TNRC6A: variants seen among roughly 807,000 people sequenced by gnomAD.
TNRC6A encodes the protein trinucleotide repeat-containing gene 6A protein.
A neutral mutation model predicts 221.2 loss-of-function variants in TNRC6A; 44 were observed. The ratio of observed to expected loss-of-function variants is 0.20; its 90% CI spans 0.16 to 0.26. The LOEUF (loss-of-function observed/expected upper bound fraction) is 0.26, where lower values mean the gene tolerates loss of function less well. TNRC6A is among the 10% of genes least tolerant of loss of function. The probability of loss-of-function intolerance (pLI) is 1.00; values close to 1 mark genes in which losing one functional copy is unlikely to be tolerated. For synonymous variants in TNRC6A, 847 were observed against 838.5 expected (o/e 1.01, Z -0.18); for missense variants, 2,199 against 2,404.4 (o/e 0.91, Z 1.79).
intron 2 of TNRC6A, among the ~76,000 whole-genome samples, chr16:24,747,932 A>G (rs1248081197): frequency 1.3e-5 from 2 of 152,182 alleles, no homozygotes; most frequent in African/African-American, 4.8e-5. Flanking sequence ...AATTATAGTG[A>G]CATAGAAGAT....
chr16:24,657,451 T>G (rs2054939635), intron 2 of TNRC6A, among the ~76,000 whole-genome samples: 1 of 152,070 alleles, frequency 6.6e-6, no homozygotes, highest in Admixed American at 6.6e-5. Context: ...GGCTCATGCC[T>G]GTAATCCCAG....
intron 3 of TNRC6A, among the ~76,000 whole-genome samples, chr16:24,756,460 T>A (rs17832757): frequency 0.04 from 6,082 of 152,326 alleles, 174 homozygotes; most frequent in South Asian, 0.069. Context: ...TCTATACTAC[T>A]ACTTTCATTC....
At chr16:24,685,497 C>T (rs533088077) in intron 2 of TNRC6A, among the ~76,000 whole-genome samples, 114 of 152,164 alleles carry the variant, frequency 7.5e-4, no homozygotes, top group South Asian at 2.3e-3. Context: ...CCACAATGCC[C>T]GGTGAATTTT....
intron 2 of TNRC6A, among the ~76,000 whole-genome samples, chr16:24,748,580 G>T (rs2057065624): frequency 6.6e-6 from 1 of 152,054 alleles, no homozygotes. Flanking sequence ...CCTTTTAGCT[G>T]ATTTTAGTAG....
chr16:24,635,674 T>G (rs573472325), intron 1 of TNRC6A, among the ~76,000 whole-genome samples: 1 of 152,338 alleles, frequency 6.6e-6, no homozygotes, highest in East Asian at 1.9e-4. Context: ...GGAAAACAAT[T>G]ACCATTTGTG....
chr16:24,685,034 T>C (rs1301688460), intron 2 of TNRC6A, among the ~76,000 whole-genome samples: 1 of 152,130 alleles, frequency 6.6e-6, no homozygotes, highest in Non-Finnish European at 1.5e-5. Flanking sequence ...CCCTCTGGCC[T>C]TCTTGCAGTT....
chr16:24,714,302 CTT>C (rs60469088), intron 2 of TNRC6A, among the ~76,000 whole-genome samples: 2,360 of 70,934 alleles, frequency 0.033, 24 homozygotes, highest in African/African-American at 0.13. Context: ...TGCTGTTAAT[CTT>C]TTTTTTTTTT....
At chr16:24,741,652 T>G (rs2056895036) in intron 2 of TNRC6A, among the ~76,000 whole-genome samples, 2 of 152,188 alleles carry the variant, frequency 1.3e-5, no homozygotes, top group Non-Finnish European at 2.9e-5. Context: ...CCTTTAGCTG[T>G]TGGTTTTGCG....
chr16:24,716,337 T>A (rs2056312063), intron 2 of TNRC6A, among the ~76,000 whole-genome samples: 1 of 152,198 alleles, frequency 6.6e-6, no homozygotes, highest in South Asian at 2.1e-4. Context: ...AGTTACTTCA[T>A]GTTGGCTGGA....
intron 2 of TNRC6A, among the ~76,000 whole-genome samples, chr16:24,748,347 C>G (rs898701252): frequency 1.3e-5 from 2 of 152,154 alleles, no homozygotes; most frequent in African/African-American, 4.8e-5. Context: ...CTCTGCTGCT[C>G]TCATATGCTG....
intron 2 of TNRC6A, among the ~76,000 whole-genome samples, chr16:24,745,804 C>A (rs868812349): frequency 2.7e-5 from 4 of 148,730 alleles, no homozygotes; most frequent in East Asian, 2.0e-4. Flanking sequence ...ATCCCCCCCC[C>A]CCCCAGCTAA....
chr16:24,817,099 A>G, intron 20 of TNRC6A, 143 bp downstream of exon 20: 1 of 740,336 alleles, frequency 1.4e-6, no homozygotes, highest in South Asian at 3.9e-5. Context: ...AAGCCTGGGC[A>G]ACATAGTTGT....
At chr16:24,626,382 C>T (rs930787228) in intron 1 of TNRC6A, among the ~76,000 whole-genome samples, 1 of 152,060 alleles carries the variant, frequency 6.6e-6, no homozygotes, top group African/African-American at 2.4e-5. Context: ...TGAAATATTG[C>T]CAGCACCCCA....
At chr16:24,647,061 G>T (rs922715070) in intron 2 of TNRC6A, among the ~76,000 whole-genome samples, 3 of 151,910 alleles carry the variant, frequency 2.0e-5, no homozygotes, top group African/African-American at 7.3e-5. Flanking sequence ...CTCCCCAGTA[G>T]CTGGGACTAC....
At chr16:24,809,083 A>G (rs548678118) in intron 17 of TNRC6A, among the ~76,000 whole-genome samples, 5 of 152,362 alleles carry the variant, frequency 3.3e-5, no homozygotes, top group African/African-American at 1.2e-4. Context: ...CACTTGGGAA[A>G]TAGCTAAACA....
At chr16:24,700,446 GCTGGTCTTACGAA>G (rs905276255) in intron 2 of TNRC6A, among the ~76,000 whole-genome samples, 32 of 152,134 alleles carry the variant, frequency 2.1e-4, no homozygotes, top group African/African-American at 7.0e-4. Flanking sequence ...TGTTGGCCAG[GCTGGTCTTACGAA>G]CTCCTAACCT....
chr16:24,824,784 A>T lies in TNRC6A; in HGVS notation c.*977A>T, dbSNP rs1335026341. 1 of 152,244 alleles carries T rather than the reference A, an allele frequency of 6.6e-6. No individual in the cohort carries two copies. Among genetic ancestry groups the T allele is most frequent in the Non-Finnish European group, 1.5e-5 (1 of 67,978 alleles). The allele number at this position is 152,244 out of a possible 1,614,324, so 9.4% of individuals were successfully genotyped here. ...TTCCCCAGTTTAAAAAAAAAAAAAA[A>T]AATTCCTTGTAGTTTCTTAGAGGAA... On this transcript the variant is annotated 3_prime_UTR_variant, in exon 25 of 25. Transcript: ENST00000395799.
rs535167280 is a variant in TNRC6A, at chr16:24,676,448, C to T, written n.402+35439C>T. ...AGTAGCTGGGATTACAGGCATGCAC[C>T]GCCATGCCCAGCTGATTTTATTTTT... On this transcript the variant is annotated intron_variant and non_coding_transcript_variant, in intron 2 of 2. Transcript: ENST00000566108. Among the ~76,000 whole-genome samples, 14 of 151,922 alleles carry T rather than the reference C, an allele frequency of 9.2e-5. No homozygotes were observed. In the South Asian group the frequency reaches 2.9e-3, roughly 32 times the overall value.
intron 17 of TNRC6A, among the ~76,000 whole-genome samples, chr16:24,809,005 T>C (rs1012654581): frequency 1.3e-5 from 2 of 152,140 alleles, no homozygotes; most frequent in Non-Finnish European, 2.9e-5. Flanking sequence ...GTACAGGACA[T>C]TTTTACTTTA....
Sources: allele counts gnomAD v4.1 joint callset (sites outside exome capture counted in the v4.1 genomes callset), GRCh38; gene constraint gnomAD v4.1.1; transcripts MANE v1.5; gene names NCBI Gene and HGNC (gene_info 2026-07-23, HGNC 2026-07-21).